The following MARCHF3 variants were observed in gnomAD, a reference collection of about 807,000 sequenced individuals.
MARCHF3 encodes the protein E3 ubiquitin-protein ligase MARCHF3.
In MARCHF3, 13 loss-of-function variants were observed where a neutral mutation model predicts 24.2. The observed-to-expected ratio is 0.54, with a 90% CI of 0.35 to 0.85. The LOEUF (loss-of-function observed/expected upper bound fraction) is 0.85. MARCHF3 is among the 40% of genes least tolerant of loss of function. The probability of loss-of-function intolerance (pLI) is 0.01; values close to 1 mark genes in which losing one functional copy is unlikely to be tolerated. For missense variants in MARCHF3, 276 were observed against 325.0 expected, an observed-to-expected ratio of 0.85 and a Z score of 1.16; for synonymous variants, 144 against 137.3, an observed-to-expected ratio of 1.05 and a Z score of -0.34.
At chr5:127,008,445 C>T (rs1334285164) in intron 1 of MARCHF3, among the ~76,000 whole-genome samples, 1 of 152,134 alleles carries the variant, frequency 6.6e-6, no homozygotes, top group Non-Finnish European at 1.5e-5. Context: ...GGTGAATCCA[C>T]TCAGAATTGG....
In MARCHF3 at chr5:126,918,106, G is replaced by A. The variant is rs1448943507; in HGVS notation, c.66C>T (p.Pro22=). 2.5e-6 allele frequency: 4 copies of A among 1,614,154 alleles called. No individual in the cohort carries two copies. The highest frequency in any genetic ancestry group is 1.1e-5 in the South Asian group (1 of 91,078). The change falls in exon 2 of 5, where the codon CCC becomes CCT. Residue 22 remains proline, a synonymous_variant. Coordinates refer to ENST00000308660, the MANE Select transcript of MARCHF3 (RefSeq NM_178450.5). ...CACAATCCTCCACCGTCTTCACCACGGGTGCAGCTGAGCTGGTGCAGTCTG... is the reference window on the plus strand; with the variant it reads ...CACAATCCTCCACCGTCTTCACCACAGGTGCAGCTGAGCTGGTGCAGTCTG... ...VLPDCTSSAA[P]VVKTVEDCGS...
intron 3 of MARCHF3, 26 bp downstream of exon 3, chr5:126,914,904 T>A: frequency 6.2e-7 from 1 of 1,613,160 alleles, no homozygotes; most frequent in Non-Finnish European, 8.5e-7. Flanking sequence ...AGAGCTAAGT[T>A]TTCAGGACGT....
At chr5:126,952,155 G>A (rs149422726) in intron 1 of MARCHF3, among the ~76,000 whole-genome samples, 108 of 152,128 alleles carry the variant, frequency 7.1e-4, no homozygotes, top group African/African-American at 2.5e-3. Flanking sequence ...CCCTCAGTAG[G>A]GTTTTGAGTT....
chr5:126,996,628 T>A (rs554081299), intron 1 of MARCHF3, among the ~76,000 whole-genome samples: 1 of 151,710 alleles, frequency 6.6e-6, no homozygotes, highest in African/African-American at 2.4e-5. Context: ...GGATCTAGGA[T>A]CTTTAATCCC....
At chr5:126,914,501 G>A (rs942397224) in intron 3 of MARCHF3, among the ~76,000 whole-genome samples, 6 of 151,976 alleles carry the variant, frequency 3.9e-5, no homozygotes, top group African/African-American at 1.5e-4. Flanking sequence ...AAACTATGGA[G>A]CTATACTTTT....
intron 1 of MARCHF3, among the ~76,000 whole-genome samples, chr5:126,989,301 CTACTAG>C (rs1363169663): frequency 1.1e-3 from 155 of 146,536 alleles, no homozygotes; most frequent in African/African-American, 3.7e-3. Context: ...ACTACTACTA[CTACTAG>C]TACTACTACT....
At chr5:126,915,249 CTT>C (rs1754687649) in intron 2 of MARCHF3, 115 bp from the exon 3 acceptor site, 1 of 948,636 alleles carries the variant, frequency 1.1e-6, no homozygotes, top group Non-Finnish European at 1.6e-6. Flanking sequence ...TTTAAGACCT[CTT>C]AGATCTACAC....
intron 1 of MARCHF3, among the ~76,000 whole-genome samples, chr5:126,944,820 A>G (rs1018004596): frequency 6.6e-6 from 1 of 152,186 alleles, no homozygotes; most frequent in African/African-American, 2.4e-5. Flanking sequence ...TTCTGCTGAC[A>G]TGATCAAATG....
intron 1 of MARCHF3, among the ~76,000 whole-genome samples, chr5:126,970,066 TTTC>T (rs1476963217): frequency 1.3e-5 from 2 of 152,034 alleles, no homozygotes; most frequent in East Asian, 3.9e-4. Context: ...TTATGCTCTT[TTTC>T]TTCTTCTTTT....
intron 4 of MARCHF3, among the ~76,000 whole-genome samples, chr5:126,872,886 A>G (rs993282549): frequency 6.6e-6 from 1 of 152,082 alleles, no homozygotes; most frequent in African/African-American, 2.4e-5. Flanking sequence ...TCTTGTATCT[A>G]TTCTGTCCTG....
In MARCHF3 at chr5:126,993,115, G is replaced by A. The variant is rs1327366308; in HGVS notation, c.-57+37235C>T. On this transcript the variant is annotated intron_variant, in intron 1 of 4. Coordinates refer to ENST00000308660, the MANE Select transcript of MARCHF3 (RefSeq NM_178450.5). ...AAGCAGACCATCATGATCCACAATA[G>A]GCTACAGAAAGACGAGCCCTCCAAC... Among the ~76,000 whole-genome samples, 12 of 152,182 alleles carry A rather than the reference G, an allele frequency of 7.9e-5. No individual in the cohort carries two copies. The East Asian group carries it at 2.1e-3, about 27-fold the overall frequency.
At chr5:126,929,901 T>C (rs189538731) in intron 1 of MARCHF3, among the ~76,000 whole-genome samples, 1 of 152,292 alleles carries the variant, frequency 6.6e-6, no homozygotes, top group East Asian at 1.9e-4. Flanking sequence ...TCTTTTTTGT[T>C]TGCTGCCTTG....
chr5:126,946,423 GT>G (rs1474485852), intron 1 of MARCHF3: 1 of 148,514 alleles, frequency 6.7e-6, no homozygotes, highest in Non-Finnish European at 1.5e-5. Flanking sequence ...AAATGCCAGA[GT>G]CCATCACATG....
At chr5:126,949,453 T>C (rs1750139377) in intron 1 of MARCHF3, among the ~76,000 whole-genome samples, 1 of 152,210 alleles carries the variant, frequency 6.6e-6, no homozygotes, top group Admixed American at 6.5e-5. Flanking sequence ...CCTCAAAATG[T>C]CGAGCTATTA....
chr5:127,020,658 C>A (rs1248039894), intron 1 of MARCHF3, among the ~76,000 whole-genome samples: 1 of 152,068 alleles, frequency 6.6e-6, no homozygotes, highest in African/African-American at 2.4e-5. Context: ...CATGATCAGA[C>A]TGAGCAACAT....
Position 126,870,735 on chromosome 5 carries a change from C to CCGTGA in MARCHF3, c.659_660insTCACG (p.Arg220SerfsTer4). 6.2e-7 allele frequency: 1 copy of CCGTGA among 1,614,160 alleles called. No individual in the cohort carries two copies. The highest frequency in any genetic ancestry group is 8.5e-7 in the Non-Finnish European group (1 of 1,180,038). ...CAGACTTTGGAATGAGGAGAATCAC[C>CCGTGA]CTCTGATTGGTCCGACGCCACTCGT... On this transcript the variant is annotated frameshift_variant, in exon 5 of 5. Coordinates refer to ENST00000308660, the MANE Select transcript of MARCHF3 (RefSeq NM_178450.5). LOFTEE classifies it high-confidence loss of function.
intron 3 of MARCHF3, among the ~76,000 whole-genome samples, chr5:126,886,485 G>C (rs543023157): frequency 2.6e-5 from 4 of 152,292 alleles, no homozygotes; most frequent in Admixed American, 6.5e-5. Flanking sequence ...TAACTCTGTT[G>C]TGGAGTCAAA....
At chr5:126,891,175 A>G (rs1312908732) in intron 3 of MARCHF3, among the ~76,000 whole-genome samples, 3 of 150,504 alleles carry the variant, frequency 2.0e-5, no homozygotes, top group Admixed American at 1.3e-4. Context: ...TTCATTGTAG[A>G]TTCTGGATAT....
At chr5:127,001,225 G>A (rs1431632334) in intron 1 of MARCHF3, among the ~76,000 whole-genome samples, 2 of 151,214 alleles carry the variant, frequency 1.3e-5, no homozygotes, top group Admixed American at 6.6e-5. Flanking sequence ...GTGACAGAGC[G>A]AGACTTCGTC....
Sources: gnomAD v4.1 joint callset for allele counts (sites outside exome capture counted in the v4.1 genomes callset) on GRCh38, gnomAD v4.1.1 for gene constraint, MANE v1.5 for transcripts, NCBI Gene and HGNC (gene_info 2026-07-23, HGNC 2026-07-21) for gene names.